UNC13B: variants seen among roughly 807,000 people sequenced by gnomAD.
The protein encoded by UNC13B is unc-13 homolog B.
UNC13B carries 144 observed loss-of-function variants against 211.0 expected under a neutral mutation model. The ratio of observed to expected loss-of-function variants is 0.68; its 90% CI spans 0.60 to 0.78. UNC13B has a LOEUF of 0.78. Among genes scored for constraint, UNC13B ranks in the 30% least tolerant of loss-of-function variants. The pLI, the probability that UNC13B is intolerant of heterozygous loss-of-function variation, is 0.00. For synonymous variants in UNC13B, 709 were observed against 725.8 expected (o/e 0.98, Z 0.37); for missense variants, 1,777 against 2,002.0 (o/e 0.89, Z 2.14).
chr9:35,194,722 T>C (rs1333987627), intron 1 of UNC13B, among the ~76,000 whole-genome samples: 1 of 152,220 alleles, frequency 6.6e-6, no homozygotes, highest in Non-Finnish European at 1.5e-5. Flanking sequence ...CTCACCGTTT[T>C]GATGAGCGTT....
At chr9:35,325,068 G>A (rs747598545) in intron 11 of UNC13B, among the ~76,000 whole-genome samples, 5 of 152,180 alleles carry the variant, frequency 3.3e-5, no homozygotes, top group Non-Finnish European at 7.3e-5. Context: ...AAGAGAAAGC[G>A]AAGACATTCT....
chr9:35,352,633 T>G (rs1832787595), intron 11 of UNC13B: 3 of 1,231,978 alleles, frequency 2.4e-6, no homozygotes, highest in Non-Finnish European at 3.0e-6. Flanking sequence ...ACCAGGCCCC[T>G]GAGCAGCAAG....
intron 11 of UNC13B, among the ~76,000 whole-genome samples, chr9:35,319,402 C>CAAAAAA (rs74176715): frequency 1.1e-4 from 6 of 56,186 alleles, no homozygotes; most frequent in Non-Finnish European, 1.5e-4. Context: ...GACCCTATCT[C>CAAAAAA]AAAAAAAAAA....
At chr9:35,204,334 G>T (rs549630059) in intron 1 of UNC13B, among the ~76,000 whole-genome samples, 3 of 152,306 alleles carry the variant, frequency 2.0e-5, no homozygotes, top group South Asian at 2.1e-4. Flanking sequence ...GGAAATGTGG[G>T]GTGGGAGCCC....
intron 1 of UNC13B, among the ~76,000 whole-genome samples, chr9:35,169,709 T>C (rs1201306735): frequency 2.0e-5 from 3 of 152,176 alleles, no homozygotes; most frequent in African/African-American, 7.2e-5. Flanking sequence ...CAGGCAGTGA[T>C]GGGGGAAAGG....
chr9:35,290,234 C>T (rs990419480), intron 7 of UNC13B, among the ~76,000 whole-genome samples: 17 of 152,066 alleles, frequency 1.1e-4, no homozygotes, highest in African/African-American at 4.1e-4. Flanking sequence ...GAAGAAGTGG[C>T]TCTCTTTAAG....
At chr9:35,276,326 G>C (rs62543196) in intron 7 of UNC13B, among the ~76,000 whole-genome samples, 1 of 147,630 alleles carries the variant, frequency 6.8e-6, no homozygotes, top group Non-Finnish European at 1.5e-5. Flanking sequence ...AAAAAAAAAG[G>C]CATAGGGAAT....
At chr9:35,194,737 C>G (rs1822844012) in intron 1 of UNC13B, among the ~76,000 whole-genome samples, 1 of 152,154 alleles carries the variant, frequency 6.6e-6, no homozygotes, top group African/African-American at 2.4e-5. Context: ...AGCGTTGTAC[C>G]TTGGTATCCT....
Position 35,301,996 on chromosome 9 carries a change from A to G in UNC13B, c.2592A>G (p.Pro864=), listed in dbSNP as rs998484041. 7 of 398,746 alleles carry G rather than the reference A, an allele frequency of 1.8e-5. No individual in the cohort carries two copies. 24.7% of individuals were successfully genotyped at this position (398,746 alleles called of 1,614,324 possible). The change falls in exon 9 of 40, where the codon CCA becomes CCG. Residue 864 remains proline, a synonymous_variant. Coordinates refer to ENST00000635942, the MANE Select transcript of UNC13B (RefSeq NM_001371189.2). The part of the protein sequence containing the change: ...SFSFSGKLNL[P]FFRSLGHSEK... ...CCTTTAGTGGAAAACTAAATCTTCC[A>G]TTTTTTAGAAGTCTTGGTCATTCTG... is the stretch of plus-strand genomic sequence containing the variant.
chr9:35,225,909 G>A (rs756324174), intron 1 of UNC13B, among the ~76,000 whole-genome samples: 6 of 152,116 alleles, frequency 3.9e-5, no homozygotes, highest in Non-Finnish European at 8.8e-5. Flanking sequence ...GACAGTGGTG[G>A]CAGCAGTGGT....
At chr9:35,352,508 G>T (rs538687929) in intron 11 of UNC13B, 2 of 1,231,966 alleles carry the variant, frequency 1.6e-6, no homozygotes, top group Admixed American at 4.2e-5. Context: ...ACAACATCAG[G>T]ATTATAGTCA....
chr9:35,253,744 A>G (rs1014097667), intron 6 of UNC13B, among the ~76,000 whole-genome samples: 5 of 152,194 alleles, frequency 3.3e-5, no homozygotes, highest in Non-Finnish European at 5.9e-5. Context: ...TTTCACTATT[A>G]TAAATGCGTG....
At position 35,306,314 on chromosome 9, in the gene UNC13B, A is replaced by G. The variant is rs903663156; in HGVS notation, c.6910A>G (p.Lys2304Glu). 2 of 399,016 alleles carry G rather than the reference A, an allele frequency of 5.0e-6. No individual in the cohort carries two copies. Among genetic ancestry groups the G allele is most frequent in the African/African-American group, 2.1e-5 (1 of 48,736 alleles). The allele number at this position is 399,016 out of a possible 1,614,324, so 24.7% of individuals were successfully genotyped here. ...CCTTGCAGATGAGCTCAGTGTAGAC[A>G]AGGACTGTCAGGAAAAACTGAGTTC... ...TSLADELSVDKDCQEKLSSNI... is the reference protein window; with the variant it reads ...TSLADELSVDEDCQEKLSSNI... The change falls in exon 9 of 40, where the codon AAG becomes GAG. Residue 2304 changes from lysine (K) to glutamate (E), a missense_variant. Physicochemically the swap from Lys to Glu is moderately conservative, Grantham distance 56 (BLOSUM62 1). Coordinates refer to ENST00000635942, the MANE Select transcript of UNC13B (RefSeq NM_001371189.2).
At chr9:35,215,258 C>T (rs1000705042) in intron 1 of UNC13B, among the ~76,000 whole-genome samples, 1 of 151,984 alleles carries the variant, frequency 6.6e-6, no homozygotes, top group Non-Finnish European at 1.5e-5. Context: ...AAAAAATTAG[C>T]TAGGTGTGGT....
At chr9:35,324,165 G>T (rs113479573) in intron 11 of UNC13B, among the ~76,000 whole-genome samples, 4 of 152,282 alleles carry the variant, frequency 2.6e-5, no homozygotes, top group African/African-American at 9.6e-5. Context: ...TTCAAATCTA[G>T]ATCTATTTAA....
chr9:35,162,104 C>A lies in UNC13B; in HGVS notation c.-180C>A. On this transcript the variant is annotated 5_prime_UTR_variant, in exon 1 of 40. Coordinates refer to ENST00000635942, the MANE Select transcript of UNC13B (RefSeq NM_001371189.2). ...TACTCACCGCTACCCGGAGTTCGCT[C>A]AGACGGTGAGATTTGGGGCGGGTCC... 2.2e-6 allele frequency: 2 copies of A among 922,682 alleles called. No homozygotes were observed. The highest frequency in any genetic ancestry group is 3.3e-6 in the Non-Finnish European group (2 of 614,632). 57.2% of individuals were successfully genotyped at this position (922,682 alleles called of 1,614,324 possible). A position where few individuals can be genotyped will look rare whatever the true frequency, so the allele number is the denominator to read the frequency against.
At chr9:35,291,983 C>T (rs1829121731) in intron 7 of UNC13B, among the ~76,000 whole-genome samples, 1 of 152,148 alleles carries the variant, frequency 6.6e-6, no homozygotes, top group African/African-American at 2.4e-5. Context: ...TTATATCCTA[C>T]TGCTCAAGGT....
chr9:35,306,861 C>A lies in UNC13B; in HGVS notation c.7457C>A (p.Pro2486His). ...ACACTCTCTGGACTTTTCTCCTCTCCTAAATCTCCAAAGAAAAACTCCTTT... is the reference window on the plus strand; with the variant it reads ...ACACTCTCTGGACTTTTCTCCTCTCATAAATCTCCAAAGAAAAACTCCTTT... ...PKTLSGLFSS[P>H]KSPKKNSFFS... Residue 2486 changes from proline (P) to histidine (H), a missense_variant, in exon 9 of 40, where the codon CCT becomes CAT. Physicochemically the swap from Pro to His is moderately conservative, Grantham distance 77. Coordinates refer to ENST00000635942, the MANE Select transcript of UNC13B (RefSeq NM_001371189.2). 1 of 399,050 alleles carries A rather than the reference C, an allele frequency of 2.5e-6. No individual in the cohort carries two copies. The allele number at this position is 399,050 out of a possible 1,614,324, so 24.7% of individuals were successfully genotyped here. A position where few individuals can be genotyped will look rare whatever the true frequency, so the allele number is the denominator to read the frequency against.
chr9:35,399,042 C>G lies in UNC13B; in HGVS notation c.12074+8C>G. 6.2e-7 allele frequency: 1 copy of G among 1,613,780 alleles called. No individual in the cohort carries two copies. The highest frequency in any genetic ancestry group is 8.5e-7 in the Non-Finnish European group (1 of 1,179,784). On this transcript the variant is annotated splice_region_variant and intron_variant, in intron 33 of 39. Transcript: ENST00000635942. ...GGACTTCCTGGATGGCAAGTGAGTA[C>G]AGCATTCAGGACTATCCTGTGGGGA...
Sources: allele counts gnomAD v4.1 joint callset (sites outside exome capture counted in the v4.1 genomes callset), GRCh38; gene constraint gnomAD v4.1.1; transcripts MANE v1.5; gene names NCBI Gene and HGNC (gene_info 2026-07-23, HGNC 2026-07-21).